Variants in POLE observed in about 807,000 individuals in gnomAD.
POLE encodes the protein DNA polymerase epsilon catalytic subunit A.
Under a neutral mutation model 279.2 loss-of-function variants are expected in POLE, and 188 were observed. The ratio of observed to expected loss-of-function variants is 0.67; its 90% CI spans 0.60 to 0.76. The LOEUF (loss-of-function observed/expected upper bound fraction) is 0.76. Among genes scored for constraint, POLE ranks in the 30% least tolerant of loss-of-function variants. POLE has a pLI of 0.00. For missense variants in POLE, 2,703 were observed against 3,016.7 expected, an observed-to-expected ratio of 0.90 and a Z score of 2.44; for synonymous variants, 1,214 against 1,172.5, an observed-to-expected ratio of 1.04 and a Z score of -0.72.
At chr12:132,679,742 A>G in intron 5 of POLE, 91 bp from the exon 6 acceptor site, 1 of 1,459,782 alleles carries the variant, frequency 6.9e-7, no homozygotes, top group Non-Finnish European at 9.4e-7. Context: ...CACACAAGTC[A>G]AAGAGTTGGC....
chr12:132,672,874 A>G (rs904050480), intron 14 of POLE, 35 bp from the exon 15 acceptor site: 1 of 1,578,818 alleles, frequency 6.3e-7, no homozygotes, highest in African/African-American at 1.3e-5. Flanking sequence ...GCCAAAAGCA[A>G]CACCAAAGGC....
At chr12:132,663,871 G>C in intron 23 of POLE, 133 bp downstream of exon 23, 1 of 846,320 alleles carries the variant, frequency 1.2e-6, no homozygotes, top group East Asian at 2.5e-5. Flanking sequence ...TGGTCTTCAG[G>C]CTATAGAAAA....
chr12:132,685,650 C>T (rs779251841), intron 1 of POLE, among the ~76,000 whole-genome samples: 2 of 152,254 alleles, frequency 1.3e-5, no homozygotes, highest in Non-Finnish European at 2.9e-5. Flanking sequence ...CACGTGAGTG[C>T]AGTCCTGTGT....
Position 132,668,224 on chromosome 12 carries a change from T to G in POLE, c.2173+132A>C. On this transcript the variant is annotated intron_variant, in intron 19 of 48. Transcript: ENST00000320574. The surrounding 1 kb of genome is among the most constrained non-coding windows in gnomAD (Gnocchi z 4.0). The stretch of plus-strand genomic sequence containing the variant: ...AGTGAGAGCACAGCTTACAGTGACC[T>G]AGAGCAGCTTCTGGTCTGCTGTGAC... The G allele has an allele frequency of 9.9e-7, 1 of 1,009,808 alleles. No individual in the cohort carries two copies. Among genetic ancestry groups the G allele is most frequent in the Non-Finnish European group, 1.4e-6 (1 of 707,168 alleles). 62.6% of individuals were successfully genotyped at this position (1,009,808 alleles called of 1,614,324 possible).
chr12:132,632,440 T>A lies in POLE; in HGVS notation c.6205A>T (p.Lys2069Ter). The stretch of plus-strand genomic sequence containing the variant: ...GAGCCTGTGACTTTCTTCTGAATCT[T>A]CTGAGTGATGGTGAAGAAGCTCTGA... The part of the protein sequence containing the change: ...LTQSFFTITQ[K>*]IQKKVTGSRN... Residue 2069 changes from lysine to a stop codon, truncating the protein, a stop_gained, in exon 45 of 49, where the codon AAG becomes TAG. Coordinates refer to ENST00000320574, the MANE Select transcript of POLE (RefSeq NM_006231.4). LOFTEE classifies it high-confidence loss of function. The A allele has an allele frequency of 1.2e-6, 2 of 1,614,034 alleles. No individual in the cohort carries two copies. Among genetic ancestry groups the A allele is most frequent in the South Asian group, 2.2e-5 (2 of 91,082 alleles).
At chr12:132,625,901 C>CTCAGGA in intron 46 of POLE, 131 bp from the exon 47 acceptor site, 3 of 1,283,664 alleles carry the variant, frequency 2.3e-6, no homozygotes, top group Non-Finnish European at 3.2e-6. Flanking sequence ...TGCAGCTGCA[C>CTCAGGA]GCACTCTGGC....
chr12:132,686,369 G>A (rs2043266737), intron 1 of POLE, among the ~76,000 whole-genome samples: 1 of 151,830 alleles, frequency 6.6e-6, no homozygotes, highest in South Asian at 2.1e-4. Flanking sequence ...GTGAACCTCC[G>A]GCTCGGATTC....
At chr12:132,686,563 G>A (rs1014358384) in intron 1 of POLE, among the ~76,000 whole-genome samples, 1 of 151,674 alleles carries the variant, frequency 6.6e-6, no homozygotes, top group East Asian at 2.0e-4. Context: ...GGTGAAACCC[G>A]GTCTCTACTA....
In POLE at chr12:132,672,288, A is replaced by G. The variant is rs2135990877; in HGVS notation, c.1721T>C (p.Val574Ala). The G allele has an allele frequency of 1.2e-6, 2 of 1,613,974 alleles. No homozygotes were observed. The highest frequency in any genetic ancestry group is 1.7e-6 in the Non-Finnish European group (2 of 1,179,986). ...AAGGGCGTGGCGCAAGGTCTTCTCA[A>G]CCCGCTGCAGCAGGAAGTCAAAGGC... ...PAAFDFLLQRVEKTLRHALEE... is the reference protein window; with the variant it reads ...PAAFDFLLQRAEKTLRHALEE... Residue 574 changes from valine (V) to alanine (A), a missense_variant, in exon 16 of 49, where the codon GTT (valine) becomes GCT (alanine). By Grantham distance (64) the Val-to-Ala change is moderately conservative. Around this residue, in one of 5 missense-constraint regions of POLE, gnomAD observed 1,011 missense variants for 1,111.7 expected, o/e 0.91. Transcript: ENST00000320574.
At chr12:132,631,151 G>A (rs908113242) in intron 45 of POLE, among the ~76,000 whole-genome samples, 3 of 152,204 alleles carry the variant, frequency 2.0e-5, no homozygotes, top group Admixed American at 1.3e-4. Flanking sequence ...ACACGAGCGC[G>A]TGGATGAACC....
Position 132,649,073 on chromosome 12 carries a change from C to A in POLE, c.4006-1G>T, listed in dbSNP as rs1057519256. The A allele has an allele frequency of 7.4e-6, 12 of 1,610,794 alleles. No homozygotes were observed. The highest frequency in any genetic ancestry group is 1.0e-5 in the Non-Finnish European group (12 of 1,179,220). On this transcript the variant is annotated splice_acceptor_variant, in intron 31 of 48. Transcript: ENST00000320574. LOFTEE classifies it high-confidence loss of function. ...GGCCGGCCTGGCTGGTCTCGCTGAT[C>A]TGAAAGGCCACACGGACATACAGCA...
Position 132,624,343 on chromosome 12 carries a change from T to C in POLE, c.*354A>G. 2.7e-6 allele frequency: 1 copy of C among 374,312 alleles called. No homozygotes were observed. The highest frequency in any genetic ancestry group is 3.6e-5 in the South Asian group (1 of 27,756). The allele number at this position is 374,312 out of a possible 1,614,324, so 23.2% of individuals were successfully genotyped here. ...CCCTCTGGGAGGCAGGACAAAGAACTAGGGGCACCTAGAGGACGCTCCCAC... is the reference window on the plus strand; with the variant it reads ...CCCTCTGGGAGGCAGGACAAAGAACCAGGGGCACCTAGAGGACGCTCCCAC... On this transcript the variant is annotated 3_prime_UTR_variant, in exon 49 of 49. Coordinates refer to ENST00000320574, the MANE Select transcript of POLE (RefSeq NM_006231.4).
Position 132,649,751 on chromosome 12 carries a change from C to A in POLE, c.3721G>T (p.Glu1241Ter), listed in dbSNP as rs779261309. 8.7e-6 allele frequency: 14 copies of A among 1,614,070 alleles called. No individual in the cohort carries two copies. Among genetic ancestry groups the A allele is most frequent in the African/African-American group, 5.3e-5 (4 of 74,922 alleles). ...RKRVLWESQE[E>*]SQDLTPTVPW... ...ACAGTCGGCGTGAGGTCCTGGGACT[C>A]CTCCTGGCTCTCCCAAAGAACTCGC... The change falls in exon 30 of 49, where the codon GAG becomes TAG. Residue 1241 changes from glutamate to a stop codon, truncating the protein, a stop_gained. Transcript: ENST00000320574. LOFTEE classifies it high-confidence loss of function.
chr12:132,680,679 A>T lies in POLE; in HGVS notation c.213T>A (p.Ile71=). 6.2e-7 allele frequency: 1 copy of T among 1,613,162 alleles called. No individual in the cohort carries two copies. The highest frequency in any genetic ancestry group is 8.5e-7 in the Non-Finnish European group (1 of 1,179,156). The change falls in exon 3 of 49, where the codon ATT becomes ATA. Residue 71 remains isoleucine (I), a synonymous_variant. Transcript: ENST00000320574. ...GWLINMHPTE[I]LDEDKRLGSA... is the part of the protein sequence containing the mutation. ...TGCCTAAGCGCTTATCTTCATCTAA[A>T]ATCTCGGTCTACAAGAGAATCAGTC... is the stretch of plus-strand genomic sequence containing the variant.
At chr12:132,646,298 G>T (rs2042282293) in intron 32 of POLE, among the ~76,000 whole-genome samples, 1 of 151,940 alleles carries the variant, frequency 6.6e-6, no homozygotes, top group Admixed American at 6.6e-5. Context: ...ACCCTCCCGG[G>T]TGATGGAAAC....
At chr12:132,640,059 C>G (rs1467823966) in intron 39 of POLE, among the ~76,000 whole-genome samples, 2 of 152,230 alleles carry the variant, frequency 1.3e-5, no homozygotes, top group Non-Finnish European at 2.9e-5. Context: ...TCTCTCCCGC[C>G]TAGCAGGCTG....
chr12:132,674,913 T>A (rs1030391540), intron 12 of POLE, among the ~76,000 whole-genome samples: 4 of 134,250 alleles, frequency 3.0e-5, no homozygotes, highest in Non-Finnish European at 6.2e-5. Context: ...CCTTCCAGCC[T>A]CCTTCTGTTG....
At chr12:132,679,774 A>G in intron 5 of POLE, 123 bp from the exon 6 acceptor site, 1 of 1,188,198 alleles carries the variant, frequency 8.4e-7, no homozygotes, top group East Asian at 2.4e-5. Context: ...ACCTTGTCCA[A>G]CTCTGCACGT....
Position 132,624,282 on chromosome 12 carries a change from A to C in POLE, c.*415T>G, listed in dbSNP as rs925475881. On this transcript the variant is annotated 3_prime_UTR_variant, in exon 49 of 49. Coordinates refer to ENST00000320574, the MANE Select transcript of POLE (RefSeq NM_006231.4). ...GGAACCCGTCTCGTCTCAGAGCCCA[A>C]TCTCAGGGAGCCAGAAGCCCCCAGG... 1.1e-5 allele frequency: 3 copies of C among 274,488 alleles called. No individual in the cohort carries two copies. In the South Asian group the frequency reaches 2.7e-4, roughly 24 times the overall value. The allele number at this position is 274,488 out of a possible 1,614,324, so 17.0% of individuals were successfully genotyped here. A position where few individuals can be genotyped will look rare whatever the true frequency, so the allele number is the denominator to read the frequency against.
Sources: allele counts gnomAD v4.1 joint callset (sites outside exome capture counted in the v4.1 genomes callset), GRCh38; gene constraint gnomAD v4.1.1; regional missense constraint gnomAD v4.1.1; non-coding constraint Gnocchi (gnomAD v3.1); transcripts MANE v1.5; gene names NCBI Gene and HGNC (gene_info 2026-07-23, HGNC 2026-07-21).